Variants in LAMA5 observed in about 807,000 individuals in gnomAD.
LAMA5 encodes laminin subunit alpha 5.
A neutral mutation model predicts 433.4 loss-of-function variants in LAMA5; 260 were observed. That is an observed-to-expected ratio of 0.60 (90% confidence interval 0.54 to 0.66). The LOEUF is 0.66. LAMA5 is among the 30% of genes least tolerant of loss of function. LAMA5 has a pLI of 0.00. For missense variants in LAMA5, 5,378 were observed against 5,258.5 expected (o/e 1.02, Z -0.70); for synonymous variants, 2,620 against 2,226.6 (o/e 1.18, Z -4.97).
intron 18 of LAMA5, 86 bp downstream of exon 18, chr20:62,336,254 T>G: frequency 1.0e-6 from 1 of 973,508 alleles, no homozygotes; most frequent in Non-Finnish European, 1.5e-6. Context: ...CCAGGAACCC[T>G]GCACCCCAAC....
Position 62,336,393 on chromosome 20 carries a change from C to T in LAMA5, c.2270G>A (p.Arg757His), listed in dbSNP as rs142678908. The T allele has an allele frequency of 5.6e-5, 90 of 1,612,360 alleles. No homozygotes were observed. The African/African-American group carries it at 6.1e-4, about 11-fold the overall frequency. The change falls in exon 18 of 80, where the codon CGC (arginine) becomes CAC (histidine). Residue 757 changes from arginine (R) to histidine (H), a missense_variant. By Grantham distance (29) the Arg-to-His change is conservative (BLOSUM62 0). Coordinates refer to ENST00000252999, the MANE Select transcript of LAMA5 (RefSeq NM_005560.6). Reference protein sequence around the residue: ...RAHVEGPSCDRCKPGFWGLSP... With the variant: ...RAHVEGPSCDHCKPGFWGLSP... The stretch of plus-strand genomic sequence containing the variant: ...CAGTCCCCAGAACCCAGGTTTGCAG[C>T]GGTCACAGCTCGGCCCCTCCACGTG...
intron 2 of LAMA5, among the ~76,000 whole-genome samples, chr20:62,355,035 A>G (rs553526040): frequency 6.6e-6 from 1 of 152,308 alleles, no homozygotes; most frequent in African/African-American, 2.4e-5. Flanking sequence ...ACCTCCCCTG[A>G]CGGGCCCACA....
chr20:62,352,182 C>T (rs1405839364), intron 4 of LAMA5, 60 bp downstream of exon 4: 1 of 1,562,342 alleles, frequency 6.4e-7, no homozygotes, highest in Non-Finnish European at 8.7e-7. Flanking sequence ...GGCACTGCCC[C>T]TCCCCTACCC....
At chr20:62,319,844 G>C in intron 50 of LAMA5, 49 bp from the exon 51 acceptor site, 1 of 1,451,888 alleles carries the variant, frequency 6.9e-7, no homozygotes, top group Non-Finnish European at 9.4e-7. Flanking sequence ...GCGAGGGTCG[G>C]GGTGGCAAGG....
intron 1 of LAMA5, among the ~76,000 whole-genome samples, chr20:62,363,880 A>C (rs1219507687): frequency 6.6e-6 from 1 of 151,912 alleles, no homozygotes; most frequent in East Asian, 1.9e-4. Context: ...CCCCTCCCAC[A>C]GGCTCCCAAG....
intron 51 of LAMA5, 98 bp from the exon 52 acceptor site, chr20:62,319,111 G>A: frequency 7.6e-7 from 1 of 1,319,908 alleles, no homozygotes; most frequent in South Asian, 1.5e-5. Flanking sequence ...GCCATCCTTG[G>A]CAGGCCAGGG....
intron 11 of LAMA5, among the ~76,000 whole-genome samples, chr20:62,341,834 AAAAAAAAAAAAAAG>A (rs745391503): frequency 0.052 from 2,502 of 48,014 alleles, 32 homozygotes; most frequent in Non-Finnish European, 0.15. Context: ...ACCAAAAAAA[AAAAAAAAAAAAAAG>A]AAGAAGAAAG....
Position 62,366,982 on chromosome 20 carries a change from G to C in LAMA5, c.264C>G (p.Pro88=). The change falls in exon 1 of 80, where the codon CCC becomes CCG. Residue 88 remains proline (P), a synonymous_variant. Transcript: ENST00000252999. The stretch of plus-strand genomic sequence containing the variant: ...TCTGGTTGGGGTCGCCGCCGGCCAC[G>C]GGGCCCCCTACCAGCTTGCAGTAAA... ...EDLYCKLVGG[P]VAGGDPNQTI... The C allele has an allele frequency of 2.3e-6, 3 of 1,278,212 alleles. No homozygotes were observed. The highest frequency in any genetic ancestry group is 1.5e-5 in the African/African-American group (1 of 65,992). The allele number at this position is 1,278,212 out of a possible 1,614,324, so 79.2% of individuals were successfully genotyped here.
intron 20 of LAMA5, 146 bp from the exon 21 acceptor site, chr20:62,334,767 G>GGGCGAGGGCGAA: frequency 1.6e-6 from 1 of 626,980 alleles, no homozygotes. Context: ...GCGAGGGCGA[G>GGGCGAGGGCGAA]GGCGAGGGTG....
chr20:62,326,234 A>AC (rs1568928135), intron 40 of LAMA5, among the ~76,000 whole-genome samples: 1 of 144,188 alleles, frequency 6.9e-6, no homozygotes, highest in Non-Finnish European at 1.5e-5. Flanking sequence ...CAAACAAACA[A>AC]AAAAAAAAAA....
At chr20:62,343,323 G>A (rs534471858) in intron 11 of LAMA5, among the ~76,000 whole-genome samples, 2 of 152,244 alleles carry the variant, frequency 1.3e-5, no homozygotes, top group South Asian at 2.1e-4. Flanking sequence ...GAATTCCTGG[G>A]TAAGGGAGGA....
Position 62,311,490 on chromosome 20 carries a change from T to C in LAMA5, c.9853A>G (p.Ser3285Gly). 1 of 1,610,910 alleles carries C rather than the reference T, an allele frequency of 6.2e-7. No homozygotes were observed. The highest frequency in any genetic ancestry group is 8.5e-7 in the Non-Finnish European group (1 of 1,178,994). ...RVFDLQQNLG[S>G]VNVSTGCAPA... ...GCACAGCCCGTGCTCACATTGACGC[T>C]GCCCAGGTTCTGCTGCAGATCAAAT... The change falls in exon 72 of 80, where the codon AGC (serine) becomes GGC (glycine). Residue 3285 changes from serine to glycine, a missense_variant. Ser to Gly is a moderately conservative substitution (Grantham distance 56, BLOSUM62 0). Coordinates refer to ENST00000252999, the MANE Select transcript of LAMA5 (RefSeq NM_005560.6).
At chr20:62,335,361 C>G in intron 18 of LAMA5, 92 bp from the exon 19 acceptor site, 1 of 1,300,326 alleles carries the variant, frequency 7.7e-7, no homozygotes, top group Non-Finnish European at 1.1e-6. Flanking sequence ...AACACCCCCT[C>G]CAGGGCACAC....
At chr20:62,346,379 G>T in intron 9 of LAMA5, 127 bp downstream of exon 9, 1 of 1,359,140 alleles carries the variant, frequency 7.4e-7, no homozygotes, top group South Asian at 1.4e-5. Context: ...CGTGGCCTGG[G>T]AGGCTCCTTC....
intron 1 of LAMA5, among the ~76,000 whole-genome samples, chr20:62,363,932 C>T (rs1446861025): frequency 6.6e-6 from 1 of 152,200 alleles, no homozygotes; most frequent in Non-Finnish European, 1.5e-5. Context: ...CAGACCTTGC[C>T]CCAGACCACC....
intron 28 of LAMA5, 29 bp from the exon 29 acceptor site, chr20:62,331,158 C>T (rs368106356): frequency 7.9e-5 from 113 of 1,427,482 alleles, no homozygotes; most frequent in East Asian, 1.4e-4. Context: ...GATGCTGCAA[C>T]GCCCGTGGTG....
chr20:62,354,632 G>C (rs1984890682), intron 2 of LAMA5, among the ~76,000 whole-genome samples: 1 of 152,118 alleles, frequency 6.6e-6, no homozygotes, highest in East Asian at 1.9e-4. Context: ...GAGCAGGGGG[G>C]GTCCCGAGGC....
Position 62,330,748 on chromosome 20 carries a change from G to A in LAMA5, c.3847C>T (p.Pro1283Ser). ...CTAGAGACTATGGCCCTCACCTGGG[G>A]CTCACGCAGCAGGGTGGGCTCTGCA... Reference protein sequence around the residue: ...PDAEPTLLREPQATVVFTTHV... With the variant: ...PDAEPTLLRESQATVVFTTHV... The change falls in exon 30 of 80, where the codon CCC becomes TCC. Residue 1283 changes from proline (P) to serine (S), a missense_variant. Pro to Ser is a moderately conservative substitution (Grantham distance 74). Transcript: ENST00000252999. 1 of 1,559,862 alleles carries A rather than the reference G, an allele frequency of 6.4e-7. No individual in the cohort carries two copies. Among genetic ancestry groups the A allele is most frequent in the Non-Finnish European group, 8.7e-7 (1 of 1,152,710 alleles).
chr20:62,320,318 CAA>C (rs60260941), intron 50 of LAMA5, among the ~76,000 whole-genome samples: 156 of 51,262 alleles, frequency 3.0e-3, no homozygotes, highest in African/African-American at 0.011. Context: ...AACTGTGTCT[CAA>C]AAAAAAAAAA....
Sources: gnomAD v4.1 joint callset for allele counts (sites outside exome capture counted in the v4.1 genomes callset) on GRCh38, gnomAD v4.1.1 for gene constraint, MANE v1.5 for transcripts, NCBI Gene and HGNC (gene_info 2026-07-23, HGNC 2026-07-21) for gene names.